Variants in CCDC102B observed in about 807,000 individuals in gnomAD.
CCDC102B encodes the protein coiled-coil domain containing 102B, also known as coiled-coil domain-containing protein 102B.
A neutral mutation model predicts 57.4 loss-of-function variants in CCDC102B; 75 were observed. The observed-to-expected ratio is 1.31, with a 90% CI of 1.08 to 1.58. The LOEUF (loss-of-function observed/expected upper bound fraction) is 1.58. CCDC102B is among the 40% of genes most tolerant of loss of function. The pLI, the probability that CCDC102B is intolerant of heterozygous loss-of-function variation, is 0.00. For synonymous variants in CCDC102B, 206 were observed against 201.9 expected (o/e 1.02, Z -0.17); for missense variants, 636 against 582.6 (o/e 1.09, Z -0.94).
intron 6 of CCDC102B, among the ~76,000 whole-genome samples, chr18:68,906,807 C>T (rs536325426): frequency 6.0e-5 from 9 of 149,050 alleles, no homozygotes; most frequent in Middle Eastern, 6.9e-3. Flanking sequence ...TTTTGATACA[C>T]GCAGTTTTAC....
At chr18:68,747,750 C>T (rs1284816965) in intron 2 of CCDC102B, among the ~76,000 whole-genome samples, 2 of 152,114 alleles carry the variant, frequency 1.3e-5, no homozygotes, top group African/African-American at 4.8e-5. Flanking sequence ...GTATATATCA[C>T]ATTTTTTCCG....
At chr18:68,750,932 A>T (rs956550829) in intron 2 of CCDC102B, among the ~76,000 whole-genome samples, 10 of 152,036 alleles carry the variant, frequency 6.6e-5, no homozygotes, top group Admixed American at 1.3e-4. Context: ...CATGTACCCT[A>T]GAACTTAAAG....
chr18:68,818,112 G>T (rs2036558605), intron 1 of CCDC102B, among the ~76,000 whole-genome samples: 1 of 152,092 alleles, frequency 6.6e-6, no homozygotes, highest in South Asian at 2.1e-4. Flanking sequence ...CATTGAGTTT[G>T]TGCAAAGTAT....
chr18:68,739,239 G>C (rs1454928271), intron 2 of CCDC102B, among the ~76,000 whole-genome samples: 1 of 152,120 alleles, frequency 6.6e-6, no homozygotes, highest in Non-Finnish European at 1.5e-5. Context: ...AAAGTGATCT[G>C]CCCAACTTGG....
At chr18:68,741,303 A>AGCCAGTGTT (rs2033370992) in intron 2 of CCDC102B, among the ~76,000 whole-genome samples, 1 of 152,218 alleles carries the variant, frequency 6.6e-6, no homozygotes, top group Non-Finnish European at 1.5e-5. Context: ...CAGGGGGTCA[A>AGCCAGTGTT]GCCAGTGTTA....
At chr18:68,925,887 C>T (rs1482156075) in intron 6 of CCDC102B, among the ~76,000 whole-genome samples, 1 of 151,854 alleles carries the variant, frequency 6.6e-6, no homozygotes, top group Non-Finnish European at 1.5e-5. Flanking sequence ...AGTATATTAT[C>T]AATATATATC....
intron 6 of CCDC102B, among the ~76,000 whole-genome samples, chr18:68,996,939 T>C (rs1419593809): frequency 6.6e-6 from 1 of 152,194 alleles, no homozygotes; most frequent in Non-Finnish European, 1.5e-5. Flanking sequence ...GTAATCCTCA[T>C]GTTTCAAAGG....
At chr18:68,885,650 A>G (rs1052714754) in intron 5 of CCDC102B, among the ~76,000 whole-genome samples, 3 of 151,998 alleles carry the variant, frequency 2.0e-5, no homozygotes, top group African/African-American at 7.2e-5. Context: ...CACATACTCA[A>G]TTTACAATAA....
chr18:68,850,731 C>A (rs186184826), intron 4 of CCDC102B, among the ~76,000 whole-genome samples: 16 of 152,118 alleles, frequency 1.1e-4, no homozygotes, highest in Admixed American at 4.6e-4. Context: ...CCACGCTTAC[C>A]TCTAGCTACA....
chr18:68,752,016 C>G (rs2033870124), intron 2 of CCDC102B, among the ~76,000 whole-genome samples: 1 of 152,198 alleles, frequency 6.6e-6, no homozygotes, highest in Non-Finnish European at 1.5e-5. Flanking sequence ...AATCCCAGCA[C>G]TTTGGGAGGC....
At position 68,889,506 on chromosome 18, in the gene CCDC102B, G is replaced by C. The variant is rs188548114; in HGVS notation, c.1054-7713G>C. Among the ~76,000 whole-genome samples the C allele has an allele frequency of 2.6e-3, 398 of 152,190 alleles. 3 individuals are homozygous for C. The highest frequency in any genetic ancestry group is 9.2e-3 in the African/African-American group (382 of 41,522). On this transcript the variant is annotated intron_variant, in intron 5 of 7. Coordinates refer to ENST00000360242, the MANE Select transcript of CCDC102B (RefSeq NM_024781.3). The stretch of plus-strand genomic sequence containing the variant: ...GCAGTCTCAGCTCACCGCAACCTCC[G>C]CCTCCTGGGTTCAAGCGATTCTCCT...
intron 4 of CCDC102B, among the ~76,000 whole-genome samples, chr18:68,873,397 G>C (rs890521490): frequency 3.9e-5 from 6 of 152,096 alleles, no homozygotes; most frequent in African/African-American, 1.2e-4. Flanking sequence ...CTTGCTATCA[G>C]TTTATTGCCT....
At chr18:68,849,214 C>T (rs1027944630) in intron 4 of CCDC102B, among the ~76,000 whole-genome samples, 1 of 152,026 alleles carries the variant, frequency 6.6e-6, no homozygotes, top group South Asian at 2.1e-4. Context: ...TCTGTACTCA[C>T]ACCTTATCTT....
Position 69,054,556 on chromosome 18 carries a change from C to T in CCDC102B, c.*419C>T, listed in dbSNP as rs80266992. ...TAAATAATTGGTAAACTTTTATGTA[C>T]GTGTTGTCTATGTGGTGGGGATGGC... On this transcript the variant is annotated 3_prime_UTR_variant, in exon 8 of 8. Coordinates refer to ENST00000360242, the MANE Select transcript of CCDC102B (RefSeq NM_024781.3). The T allele has an allele frequency of 0.023, 23,176 of 988,644 alleles. 349 individuals carry two copies. The highest frequency in any genetic ancestry group is 0.024 in the Non-Finnish European group (20,224 of 832,450). The allele number at this position is 988,644 out of a possible 1,614,324, so 61.2% of individuals were successfully genotyped here.
chr18:68,765,080 G>T (rs1296410328), intron 2 of CCDC102B, among the ~76,000 whole-genome samples: 1 of 39,552 alleles, frequency 2.5e-5, no homozygotes, highest in Non-Finnish European at 5.9e-5. Flanking sequence ...TAAATAAGCT[G>T]GGGATGGTGG....
intron 7 of CCDC102B, among the ~76,000 whole-genome samples, chr18:69,031,170 AT>A (rs1464827429): frequency 6.6e-6 from 1 of 152,166 alleles, no homozygotes; most frequent in Non-Finnish European, 1.5e-5. Context: ...TCATTTTAGA[AT>A]TGGAAGGATA....
chr18:68,842,117 AT>A (rs995613259), intron 3 of CCDC102B, among the ~76,000 whole-genome samples: 21 of 152,046 alleles, frequency 1.4e-4, no homozygotes, highest in Non-Finnish European at 2.9e-5. Flanking sequence ...TCTTAATGAG[AT>A]TTAAAATCCA....
chr18:68,757,240 G>A (rs537425463), intron 2 of CCDC102B, among the ~76,000 whole-genome samples: 1 of 152,238 alleles, frequency 6.6e-6, no homozygotes, highest in African/African-American at 2.4e-5. Flanking sequence ...TAGCTTGCAT[G>A]AAGAAAATGG....
At chr18:68,878,604 G>A (rs986911928) in intron 5 of CCDC102B, among the ~76,000 whole-genome samples, 5 of 152,128 alleles carry the variant, frequency 3.3e-5, no homozygotes, top group African/African-American at 1.2e-4. Context: ...CTACCATGTG[G>A]ATACACAGGG....
Sources: gnomAD v4.1 joint callset for allele counts (sites outside exome capture counted in the v4.1 genomes callset) on GRCh38, gnomAD v4.1.1 for gene constraint, MANE v1.5 for transcripts, NCBI Gene and HGNC (gene_info 2026-07-23, HGNC 2026-07-21) for gene names.